The following MAP4K3 variants were observed in gnomAD, a reference collection of about 807,000 sequenced individuals.
The protein encoded by MAP4K3 is MAPK/ERK kinase kinase kinase 3.
Under a neutral mutation model 143.5 loss-of-function variants are expected in MAP4K3, and 94 were observed. The ratio of observed to expected loss-of-function variants is 0.65; its 90% CI spans 0.55 to 0.78. The LOEUF (loss-of-function observed/expected upper bound fraction) is 0.78. MAP4K3 is among the 30% of genes least tolerant of loss of function. The pLI is 0.00. For synonymous variants in MAP4K3, 416 were observed against 347.2 expected (o/e 1.20, Z -2.20); for missense variants, 1,077 against 1,068.1 (o/e 1.01, Z -0.12).
At chr2:39,317,312 G>A (rs1294158132) in intron 12 of MAP4K3, among the ~76,000 whole-genome samples, 1 of 152,070 alleles carries the variant, frequency 6.6e-6, no homozygotes, top group Non-Finnish European at 1.5e-5. Context: ...AAAGACCCTT[G>A]AAGAAAACCT....
At chr2:39,407,989 A>C (rs1273097700) in intron 1 of MAP4K3, among the ~76,000 whole-genome samples, 2 of 152,174 alleles carry the variant, frequency 1.3e-5, no homozygotes, top group Non-Finnish European at 2.9e-5. Context: ...AGGATAGGCT[A>C]ACTCCATCCA....
intron 15 of MAP4K3, among the ~76,000 whole-genome samples, chr2:39,307,620 C>T (rs1360237957): frequency 2.0e-5 from 3 of 150,804 alleles, no homozygotes; most frequent in Admixed American, 6.6e-5. Flanking sequence ...TTCATTAAAA[C>T]AAGTTACATC....
At chr2:39,262,681 T>C (rs1207909670) in intron 28 of MAP4K3, among the ~76,000 whole-genome samples, 1 of 152,220 alleles carries the variant, frequency 6.6e-6, no homozygotes, top group Non-Finnish European at 1.5e-5. Context: ...CCAGTTGCTA[T>C]TGTCCTCGAG....
intron 2 of MAP4K3, among the ~76,000 whole-genome samples, chr2:39,367,184 C>T (rs1263052587): frequency 2.0e-5 from 3 of 152,150 alleles, no homozygotes; most frequent in Non-Finnish European, 4.4e-5. Flanking sequence ...TACATTGTTA[C>T]TGAATGGCCT....
chr2:39,392,475 CT>C (rs1209764685), intron 1 of MAP4K3, among the ~76,000 whole-genome samples: 1 of 152,166 alleles, frequency 6.6e-6, no homozygotes, highest in African/African-American at 2.4e-5. Flanking sequence ...CTATTTGCCC[CT>C]ATACTAAATC....
At chr2:39,343,569 A>G (rs1665201973) in intron 3 of MAP4K3, 117 bp from the exon 4 acceptor site, 1 of 691,658 alleles carries the variant, frequency 1.4e-6, no homozygotes, top group Non-Finnish European at 2.5e-6. Context: ...GCAATGTGTT[A>G]TCTTTAAAAT....
chr2:39,374,783 T>G (rs1255768441), intron 2 of MAP4K3, among the ~76,000 whole-genome samples: 2 of 152,180 alleles, frequency 1.3e-5, no homozygotes, highest in East Asian at 3.8e-4. Context: ...TAACTTCACA[T>G]TTAAACAATT....
At chr2:39,269,089 A>G (rs1016103932) in intron 26 of MAP4K3, among the ~76,000 whole-genome samples, 20 of 145,724 alleles carry the variant, frequency 1.4e-4, no homozygotes, top group African/African-American at 4.5e-4. Flanking sequence ...AAGATTAGAT[A>G]GATGCCAGTG....
chr2:39,255,538 C>G (rs1680309943), intron 31 of MAP4K3, among the ~76,000 whole-genome samples: 1 of 152,146 alleles, frequency 6.6e-6, no homozygotes, highest in African/African-American at 2.4e-5. Context: ...TTTCTTCTGT[C>G]TCACTCTTCT....
intron 20 of MAP4K3, 21 bp downstream of exon 20, chr2:39,288,100 G>A (rs200840688): frequency 1.2e-6 from 2 of 1,612,238 alleles, no homozygotes; most frequent in Admixed American, 3.3e-5. Flanking sequence ...TAACATATTT[G>A]CTGTCACCCT....
At chr2:39,403,320 A>C (rs1045868347) in intron 1 of MAP4K3, among the ~76,000 whole-genome samples, 2 of 152,184 alleles carry the variant, frequency 1.3e-5, no homozygotes. Context: ...TTTTAACTTC[A>C]TATCACTGAA....
At chr2:39,268,170 A>T (rs1379819000) in intron 26 of MAP4K3, among the ~76,000 whole-genome samples, 3 of 152,190 alleles carry the variant, frequency 2.0e-5, no homozygotes, top group African/African-American at 4.8e-5. Flanking sequence ...TTAATAGATA[A>T]AAATCAATTC....
chr2:39,340,004 C>G (rs764223336), intron 4 of MAP4K3, among the ~76,000 whole-genome samples: 4 of 151,088 alleles, frequency 2.6e-5, no homozygotes, highest in Admixed American at 6.6e-5. Context: ...TAAACAAACA[C>G]AAAAAGCTCA....
At chr2:39,361,487 T>A (rs989124307) in intron 2 of MAP4K3, among the ~76,000 whole-genome samples, 1 of 151,680 alleles carries the variant, frequency 6.6e-6, no homozygotes, top group African/African-American at 2.4e-5. Flanking sequence ...AATACAAAAT[T>A]TTCATTATTT....
intron 16 of MAP4K3, among the ~76,000 whole-genome samples, chr2:39,297,613 A>G (rs1573112770): frequency 6.6e-6 from 1 of 152,196 alleles, no homozygotes; most frequent in East Asian, 1.9e-4. Context: ...TGGAATAGGT[A>G]GAAACCCGTC....
At chr2:39,294,101 A>C (rs903350462) in intron 16 of MAP4K3, 5 of 152,166 alleles carry the variant, frequency 3.3e-5, no homozygotes, top group Admixed American at 6.5e-5. Context: ...AGGGGAGATA[A>C]ATATAGTTAC....
Position 39,250,599 on chromosome 2 carries a change from T to C in MAP4K3, c.*19A>G. 6.2e-7 allele frequency: 1 copy of C among 1,608,072 alleles called. No individual in the cohort carries two copies. The highest frequency in any genetic ancestry group is 8.5e-7 in the Non-Finnish European group (1 of 1,174,954). On this transcript the variant is annotated 3_prime_UTR_variant, in exon 34 of 34. Transcript: ENST00000263881. ...AGTGTTCTTTCTTTCTAGAGTTAACTGTCAAAGCACAACAATTCTCAGTAA... is the reference window on the plus strand; with the variant it reads ...AGTGTTCTTTCTTTCTAGAGTTAACCGTCAAAGCACAACAATTCTCAGTAA...
intron 27 of MAP4K3, among the ~76,000 whole-genome samples, chr2:39,266,907 TAA>T (rs35049893): frequency 1.4e-5 from 2 of 147,310 alleles, no homozygotes; most frequent in African/African-American, 5.0e-5. Flanking sequence ...TAAAATGTGG[TAA>T]AAAAAAAAAA....
chr2:39,258,025 AG>A (rs1216014501), intron 31 of MAP4K3, among the ~76,000 whole-genome samples: 8 of 151,890 alleles, frequency 5.3e-5, no homozygotes, highest in Admixed American at 3.9e-4. Context: ...TCCCCTTCCC[AG>A]GTTCAAGTGA....
Sources: allele counts gnomAD v4.1 joint callset (sites outside exome capture counted in the v4.1 genomes callset), GRCh38; gene constraint gnomAD v4.1.1; transcripts MANE v1.5; gene names NCBI Gene and HGNC (gene_info 2026-07-23, HGNC 2026-07-21).